Variants in PKD2L1 observed in about 807,000 individuals in gnomAD.
PKD2L1 encodes polycystin-2-like protein 1.
In PKD2L1, 77 loss-of-function variants were observed where a neutral mutation model predicts 93.0. The ratio of observed to expected loss-of-function variants is 0.83; its 90% CI spans 0.69 to 1.00. The LOEUF (loss-of-function observed/expected upper bound fraction) is 1.00. PKD2L1 is among the 50% of genes least tolerant of loss of function. The pLI is 0.00. For missense variants in PKD2L1, 977 were observed against 990.9 expected, an observed-to-expected ratio of 0.99 and a Z score of 0.19; for synonymous variants, 390 against 388.0, an observed-to-expected ratio of 1.01 and a Z score of -0.06.
intron 2 of PKD2L1, among the ~76,000 whole-genome samples, chr10:100,301,461 C>CA (rs150913784): frequency 7.3e-5 from 11 of 151,636 alleles, no homozygotes; most frequent in Non-Finnish European, 1.2e-4. Flanking sequence ...GAGGCCCCCC[C>CA]CCCGGGAATG....
At chr10:100,301,463 C>G (rs71488056) in intron 2 of PKD2L1, among the ~76,000 whole-genome samples, 28 of 150,774 alleles carry the variant, frequency 1.9e-4, no homozygotes, top group African/African-American at 5.9e-4. Context: ...GGCCCCCCCC[C>G]CGGGAATGCA....
chr10:100,320,255 C>CAATTTACATTA (rs2133568361), intron 2 of PKD2L1, among the ~76,000 whole-genome samples: 1 of 152,340 alleles, frequency 6.6e-6, no homozygotes, highest in South Asian at 2.1e-4. Flanking sequence ...AAGGATTGCA[C>CAATTTACATTA]AATTTACATT....
Position 100,294,974 on chromosome 10 carries a change from T to C in PKD2L1, c.1506A>G (p.Gln502=), listed in dbSNP as rs1848491649. The C allele has an allele frequency of 6.2e-7, 1 of 1,613,982 alleles. No individual in the cohort carries two copies. Among genetic ancestry groups the C allele is most frequent in the East Asian group, 2.2e-5 (1 of 44,890 alleles). ...AQLGYLLFGT[Q]VENFSTFIKC... is the part of the protein sequence containing the mutation. ...TGATGAAAGTGCTAAAGTTTTCCAC[T>C]TGGGTCCCGAAAAGCAGGTAGCCGA... Residue 502 remains glutamine (Q), a synonymous_variant, in exon 8 of 16, where the codon CAA becomes CAG. Coordinates refer to ENST00000318222, the MANE Select transcript of PKD2L1 (RefSeq NM_016112.3).
chr10:100,298,638 C>T lies in PKD2L1; in HGVS notation c.655G>A (p.Asp219Asn), dbSNP rs1053581559. The T allele has an allele frequency of 1.5e-5, 25 of 1,614,022 alleles. No homozygotes were observed. The highest frequency in any genetic ancestry group is 2.0e-5 in the Non-Finnish European group (24 of 1,180,014). ...TAGACATCATAGCAGCTCAGAATGT[C>T]CTCCCGGAAGTCTTCATGCACCACA... ...SCVVHEDFRE[D>N]ILSCYDVYSP... is the part of the protein sequence containing the mutation. The change falls in exon 4 of 16, where the codon GAC (aspartate) becomes AAC (asparagine). Residue 219 changes from aspartate (D) to asparagine (N), a missense_variant. By Grantham distance (23) the Asp-to-Asn change is conservative. Transcript: ENST00000318222.
chr10:100,310,771 G>A (rs971622631), intron 2 of PKD2L1, among the ~76,000 whole-genome samples: 48 of 152,080 alleles, frequency 3.2e-4, no homozygotes, highest in African/African-American at 1.0e-3. Flanking sequence ...GTGCAGTGGC[G>A]CAATCTCGGC....
At chr10:100,315,747 G>A (rs1045393120) in intron 2 of PKD2L1, among the ~76,000 whole-genome samples, 3 of 152,072 alleles carry the variant, frequency 2.0e-5, no homozygotes, top group Non-Finnish European at 4.4e-5. Context: ...CTTGCCCCTT[G>A]AGACTCTGAC....
At chr10:100,301,958 C>T (rs1848688713) in intron 2 of PKD2L1, among the ~76,000 whole-genome samples, 1 of 152,188 alleles carries the variant, frequency 6.6e-6, no homozygotes, top group South Asian at 2.1e-4. Context: ...GCCTCAGCCT[C>T]CCAAGTAGCT....
chr10:100,326,137 TTA>T (rs1339823177), intron 2 of PKD2L1, among the ~76,000 whole-genome samples: 4 of 152,346 alleles, frequency 2.6e-5, no homozygotes, highest in African/African-American at 9.6e-5. Flanking sequence ...GACCCAAGGT[TTA>T]TACTTCTGCC....
intron 7 of PKD2L1, 73 bp from the exon 8 acceptor site, chr10:100,295,196 C>CT (rs1848500821): frequency 8.1e-7 from 1 of 1,237,658 alleles, no homozygotes; most frequent in African/African-American, 1.5e-5. Flanking sequence ...TGCCAAGGGC[C>CT]TATGGAGGCC....
intron 13 of PKD2L1, 99 bp from the exon 14 acceptor site, chr10:100,290,237 G>A: frequency 6.7e-7 from 1 of 1,494,524 alleles, no homozygotes; most frequent in Admixed American, 1.7e-5. Flanking sequence ...TGTCCTGAAT[G>A]GAACAAGGAA....
At chr10:100,314,990 GGAAGGAAGGAAGGAA>G (rs1564891218) in intron 2 of PKD2L1, among the ~76,000 whole-genome samples, 1 of 13,416 alleles carries the variant, frequency 7.5e-5, no homozygotes, top group Non-Finnish European at 1.2e-4. Context: ...AAGGAAGGAA[GGAAGGAAGGAAGGAA>G]GGAAGGAAGG....
chr10:100,315,009 A>G lies in PKD2L1; in HGVS notation c.349+14202T>C, dbSNP rs201240611. Among the ~76,000 whole-genome samples the G allele has an allele frequency of 1.3e-3, 19 of 15,078 alleles. 2 individuals carry two copies. The South Asian group carries it at 0.035, about 28-fold the overall frequency. The allele number at this position is 15,078 out of a possible 152,430, so 9.9% of individuals were successfully genotyped here. On this transcript the variant is annotated intron_variant, in intron 2 of 15. Transcript: ENST00000318222. ...AAGGAAGGAAGGAAGGAAGGAAGGA[A>G]GGAAGGGAAGGGAAGGGAAGGGAAG...
chr10:100,296,112 TC>T lies in PKD2L1; in HGVS notation c.1356+9del, dbSNP rs1848530501. On this transcript the variant is annotated intron_variant, in intron 7 of 15. Transcript: ENST00000318222. ...CTTGAAGCAAAGCTGGGTGTGGGAA[TC>T]CCAGGTACCTTGATCCAGGCGAAGA... is the stretch of plus-strand genomic sequence containing the variant. 1 of 1,598,520 alleles carries T rather than the reference TC, an allele frequency of 6.3e-7. No homozygotes were observed. Among genetic ancestry groups the T allele is most frequent in the Admixed American group, 1.7e-5 (1 of 57,768 alleles).
chr10:100,291,184 G>A, intron 12 of PKD2L1, 117 bp downstream of exon 12: 2 of 1,056,138 alleles, frequency 1.9e-6, no homozygotes, highest in East Asian at 2.4e-5. Flanking sequence ...CTATTCTAGA[G>A]AGTTCTTTAC....
At chr10:100,311,173 T>C (rs541319010) in intron 2 of PKD2L1, among the ~76,000 whole-genome samples, 2 of 152,386 alleles carry the variant, frequency 1.3e-5, no homozygotes, top group Admixed American at 1.3e-4. Context: ...ATGAGAACTA[T>C]GAAACCTATT....
Position 100,289,957 on chromosome 10 carries a change from A to G in PKD2L1, c.2250+58T>C, listed in dbSNP as rs529704781. The stretch of plus-strand genomic sequence containing the variant: ...TGTTCTTGCCCCACCCACTGAGTGG[A>G]AAAGATGGCAGAGTTCAGCTGTGAG... On this transcript the variant is annotated intron_variant, in intron 14 of 15. Transcript: ENST00000318222. The G allele has an allele frequency of 5.6e-5, 90 of 1,605,432 alleles. 1 individual carries two copies. The Middle Eastern group carries it at 6.7e-4, about 12-fold the overall frequency.
chr10:100,315,265 C>T (rs898536689), intron 2 of PKD2L1, among the ~76,000 whole-genome samples: 4 of 151,884 alleles, frequency 2.6e-5, no homozygotes, highest in Non-Finnish European at 5.9e-5. Flanking sequence ...ACATGTGCCA[C>T]GGTGGTTTGC....
chr10:100,311,935 G>A (rs1826319981), intron 2 of PKD2L1, among the ~76,000 whole-genome samples: 1 of 152,150 alleles, frequency 6.6e-6, no homozygotes, highest in Admixed American at 6.5e-5. Context: ...CATTAAGGAT[G>A]CTTCTCTAGA....
At chr10:100,294,502 C>T (rs1333910245) in intron 9 of PKD2L1, 33 bp downstream of exon 9, 2 of 1,613,468 alleles carry the variant, frequency 1.2e-6, no homozygotes, top group African/African-American at 1.3e-5. Flanking sequence ...CCTGCAGGCT[C>T]TCTATGTCCC....
Sources: gnomAD v4.1 joint callset for allele counts (sites outside exome capture counted in the v4.1 genomes callset) on GRCh38, gnomAD v4.1.1 for gene constraint, MANE v1.5 for transcripts, NCBI Gene and HGNC (gene_info 2026-07-23, HGNC 2026-07-21) for gene names.